RNGTT: variants seen among roughly 807,000 people sequenced by gnomAD.
RNGTT encodes the protein mRNA-capping enzyme.
Under a neutral mutation model 79.3 loss-of-function variants are expected in RNGTT, and 33 were observed. That is an observed-to-expected ratio of 0.42 (90% CI 0.32 to 0.56). The LOEUF (loss-of-function observed/expected upper bound fraction) is 0.56, where lower values mean the gene tolerates loss of function less well. RNGTT is among the 20% of genes least tolerant of loss of function. RNGTT has a pLI of 0.17. For missense variants in RNGTT, 497 were observed against 739.1 expected, an observed-to-expected ratio of 0.67 and a Z score of 3.80; for synonymous variants, 222 against 235.9, an observed-to-expected ratio of 0.94 and a Z score of 0.54.
chr6:88,690,132 T>C (rs1464263012), intron 13 of RNGTT, among the ~76,000 whole-genome samples: 1 of 152,120 alleles, frequency 6.6e-6, no homozygotes, highest in East Asian at 1.9e-4. Context: ...GAAAGTATTA[T>C]CACAGATTGG....
At chr6:88,901,251 A>T (rs1223383293) in intron 6 of RNGTT, among the ~76,000 whole-genome samples, 1 of 152,082 alleles carries the variant, frequency 6.6e-6, no homozygotes, top group Non-Finnish European at 1.5e-5. Flanking sequence ...TAACAGCCAA[A>T]AATTGTCTAA....
In RNGTT at chr6:88,760,577, A is replaced by G. The variant is rs192349812; in HGVS notation, c.1439+9197T>C. Reference sequence around the variant, plus strand: ...AAAAAATACAACCAGCTACATACCAAATAGCTTAGTCATTAAGCATACTAT... The same window carrying G: ...AAAAAATACAACCAGCTACATACCAGATAGCTTAGTCATTAAGCATACTAT... On this transcript the variant is annotated intron_variant, in intron 13 of 15. Coordinates refer to ENST00000369485, the MANE Select transcript of RNGTT (RefSeq NM_003800.5). Among the ~76,000 whole-genome samples the G allele has an allele frequency of 1.6e-3, 250 of 152,298 alleles. 2 individuals are homozygous for G. The South Asian group carries it at 0.021, about 13-fold the overall frequency.
intron 11 of RNGTT, among the ~76,000 whole-genome samples, chr6:88,810,860 A>G (rs916536189): frequency 5.3e-5 from 8 of 152,218 alleles, no homozygotes; most frequent in African/African-American, 1.9e-4. Flanking sequence ...TGAGATAGAT[A>G]TTTCCTGACT....
At chr6:88,822,954 C>A (rs1780541256) in intron 11 of RNGTT, among the ~76,000 whole-genome samples, 1 of 151,994 alleles carries the variant, frequency 6.6e-6, no homozygotes, top group Non-Finnish European at 1.5e-5. Flanking sequence ...GATAATACAC[C>A]CAAACATAAA....
chr6:88,654,354 C>A (rs1182327290), intron 14 of RNGTT, among the ~76,000 whole-genome samples: 2 of 152,118 alleles, frequency 1.3e-5, no homozygotes, highest in Admixed American at 1.3e-4. Flanking sequence ...AGATCTAGAC[C>A]TGATTTCATT....
At chr6:88,952,038 G>T (rs1460536572) in intron 1 of RNGTT, among the ~76,000 whole-genome samples, 1 of 152,164 alleles carries the variant, frequency 6.6e-6, no homozygotes, top group Non-Finnish European at 1.5e-5. Flanking sequence ...CGCTTTCTCA[G>T]TGGGGAAACT....
intron 4 of RNGTT, among the ~76,000 whole-genome samples, chr6:88,916,247 T>TAG (rs1168883362): frequency 6.6e-6 from 1 of 152,090 alleles, no homozygotes; most frequent in East Asian, 1.9e-4. Context: ...CCAAGGCGGG[T>TAG]AGATCACTTG....
At chr6:88,732,351 A>T (rs763168009) in intron 13 of RNGTT, among the ~76,000 whole-genome samples, 1 of 152,216 alleles carries the variant, frequency 6.6e-6, no homozygotes, top group Non-Finnish European at 1.5e-5. Context: ...ACCCATTAGG[A>T]TGGCTATTAT....
At chr6:88,658,492 G>T (rs1469734912) in intron 14 of RNGTT, among the ~76,000 whole-genome samples, 1 of 152,196 alleles carries the variant, frequency 6.6e-6, no homozygotes, top group Non-Finnish European at 1.5e-5. Context: ...ACCTAGAAGG[G>T]CAATAGTAAT....
Position 88,949,159 on chromosome 6 carries a change from G to A in RNGTT, c.65-7979C>T, listed in dbSNP as rs981931798. On this transcript the variant is annotated intron_variant, in intron 1 of 15. Transcript: ENST00000369485. ...AATAAAAAATAAAATAAAATAAAATGAAAAAAAAAAAAAAAAAAAGAAAAT... is the reference window on the plus strand; with the variant it reads ...AATAAAAAATAAAATAAAATAAAATAAAAAAAAAAAAAAAAAAAAGAAAAT... 7.7e-3 allele frequency among the ~76,000 whole-genome samples: 387 copies of A among 50,392 alleles called. 2 individuals carry two copies. The highest frequency in any genetic ancestry group is 0.015 in the African/African-American group (185 of 12,588). 33.1% of individuals were successfully genotyped at this position (50,392 alleles called of 152,430 possible).
intron 13 of RNGTT, among the ~76,000 whole-genome samples, chr6:88,764,841 T>C (rs1385181104): frequency 2.0e-5 from 3 of 152,136 alleles, no homozygotes; most frequent in Non-Finnish European, 2.9e-5. Flanking sequence ...AGAGTACCTA[T>C]TTGCTCACAT....
At chr6:88,798,780 C>A (rs749437255) in intron 12 of RNGTT, among the ~76,000 whole-genome samples, 13 of 152,258 alleles carry the variant, frequency 8.5e-5, no homozygotes, top group African/African-American at 3.1e-4. Context: ...ATTGGAAGAA[C>A]AGAATCAGAA....
intron 11 of RNGTT, among the ~76,000 whole-genome samples, chr6:88,841,294 A>G (rs906772595): frequency 1.3e-5 from 2 of 152,190 alleles, no homozygotes; most frequent in African/African-American, 2.4e-5. Context: ...ACACAAAATC[A>G]TAATAAAAGT....
At chr6:88,698,187 A>G (rs1252031946) in intron 13 of RNGTT, among the ~76,000 whole-genome samples, 1 of 119,426 alleles carries the variant, frequency 8.4e-6, no homozygotes, top group South Asian at 2.4e-4. Flanking sequence ...TGATATATAT[A>G]TGAAATATAT....
At chr6:88,796,644 A>G (rs1395620502) in intron 12 of RNGTT, among the ~76,000 whole-genome samples, 3 of 152,164 alleles carry the variant, frequency 2.0e-5, no homozygotes, top group African/African-American at 7.2e-5. Context: ...TTTAACCAAA[A>G]CAGCTATAGC....
chr6:88,822,026 T>C (rs145975125), intron 11 of RNGTT, among the ~76,000 whole-genome samples: 40 of 152,264 alleles, frequency 2.6e-4, no homozygotes, highest in African/African-American at 9.6e-4. Context: ...TTTTAAAACA[T>C]TCTGTTAAGT....
At position 88,886,860 on chromosome 6, in the gene RNGTT, C is replaced by T. The variant is rs527451740; in HGVS notation, c.896+3635G>A. Among the ~76,000 whole-genome samples, 14 of 152,128 alleles carry T rather than the reference C, an allele frequency of 9.2e-5. No individual in the cohort carries two copies. In the South Asian group the frequency reaches 2.7e-3, roughly 29 times the overall value. On this transcript the variant is annotated intron_variant, in intron 8 of 15. Coordinates refer to ENST00000369485, the MANE Select transcript of RNGTT (RefSeq NM_003800.5). ...TTTCTGTTTCTATTACCTGGCTTTA[C>T]ATTTCAGAAATATTCCCTATTCTAC...
At chr6:88,774,468 T>C (rs1453708688) in intron 12 of RNGTT, among the ~76,000 whole-genome samples, 1 of 152,180 alleles carries the variant, frequency 6.6e-6, no homozygotes, top group Non-Finnish European at 1.5e-5. Flanking sequence ...GGTCCATTTC[T>C]AGGTACACAC....
chr6:88,776,907 C>T (rs1778907099), intron 12 of RNGTT, among the ~76,000 whole-genome samples: 1 of 152,080 alleles, frequency 6.6e-6, no homozygotes, highest in Admixed American at 6.6e-5. Context: ...TTTGATGTAA[C>T]ATCAAAAAGA....
Sources: gnomAD v4.1 joint callset for allele counts (sites outside exome capture counted in the v4.1 genomes callset) on GRCh38, gnomAD v4.1.1 for gene constraint, MANE v1.5 for transcripts, NCBI Gene and HGNC (gene_info 2026-07-23, HGNC 2026-07-21) for gene names.